FRMD4B: variants seen among roughly 807,000 people sequenced by gnomAD.
FRMD4B encodes FERM domain containing 4B.
In FRMD4B, 74 loss-of-function variants were observed where a neutral mutation model predicts 141.5. That is an observed-to-expected ratio of 0.52 (90% CI 0.43 to 0.63). The LOEUF is 0.63. Ranked by LOEUF, FRMD4B falls within the 30% of genes least tolerant of loss-of-function variation. The probability of loss-of-function intolerance (pLI) is 0.00; values close to 1 mark genes in which losing one functional copy is unlikely to be tolerated. For synonymous variants in FRMD4B, 506 were observed against 467.9 expected, an observed-to-expected ratio of 1.08 and a Z score of -1.05; for missense variants, 1,366 against 1,253.4, an observed-to-expected ratio of 1.09 and a Z score of -1.36.
intron 5 of FRMD4B, among the ~76,000 whole-genome samples, chr3:69,258,927 C>G (rs1337158719): frequency 1.3e-5 from 2 of 152,160 alleles, no homozygotes; most frequent in East Asian, 3.8e-4. Flanking sequence ...CAGTCCTCAG[C>G]CTTTTTGGCA....
chr3:69,205,164 C>T (rs2093012381), intron 11 of FRMD4B, among the ~76,000 whole-genome samples: 1 of 150,838 alleles, frequency 6.6e-6, no homozygotes, highest in Non-Finnish European at 1.5e-5. Flanking sequence ...GGACTGAGTC[C>T]CCCCCCTTTT....
intron 21 of FRMD4B, among the ~76,000 whole-genome samples, chr3:69,180,246 C>CAAAAAAAAAAAAAAAAAAAAAAAAA (rs71115658): frequency 9.9e-6 from 1 of 101,052 alleles, no homozygotes; most frequent in African/African-American, 3.8e-5. Flanking sequence ...CTTGTTTCTA[C>CAAAAAAAAAAAAAAAAAAAAAAAAA]AAAAAAAAAA....
chr3:69,253,181 C>CTTTTTTTTTTTTTTTTTTTTTTTTTTT lies in FRMD4B; in HGVS notation c.502-3083_502-3082insAAAAAAAAAAAAAAAAAAAAAAAAAAA, dbSNP rs781662739. Among the ~76,000 whole-genome samples, 4 of 121,952 alleles carry CTTTTTTTTTTTTTTTTTTTTTTTTTTT rather than the reference C, an allele frequency of 3.3e-5. 2 individuals carry two copies. The highest frequency in any genetic ancestry group is 3.4e-5 in the Non-Finnish European group (2 of 58,818). 80.0% of individuals were successfully genotyped at this position (121,952 alleles called of 152,430 possible). The stretch of plus-strand genomic sequence containing the variant: ...AGGGAAATTAGTGAAAATATGATTC[C>CTTTTTTTTTTTTTTTTTTTTTTTTTTT]TATTTTTTTTTTTTTTTTTTTTTGC... On this transcript the variant is annotated intron_variant, in intron 5 of 22. Transcript: ENST00000398540.
intron 1 of FRMD4B, among the ~76,000 whole-genome samples, chr3:69,355,880 C>T (rs1311427480): frequency 6.6e-6 from 1 of 152,080 alleles, no homozygotes; most frequent in African/African-American, 2.4e-5. Context: ...CAAAAATTAG[C>T]CAGGTGTGGT....
intron 1 of FRMD4B, among the ~76,000 whole-genome samples, chr3:69,487,430 T>G (rs1706233312): frequency 6.6e-6 from 1 of 152,158 alleles, no homozygotes; most frequent in Non-Finnish European, 1.5e-5. Flanking sequence ...TTTGGGGGTC[T>G]AGAGATTGGG....
At chr3:69,245,347 G>GTTTTTTT (rs1488467550) in intron 7 of FRMD4B, among the ~76,000 whole-genome samples, 5 of 150,786 alleles carry the variant, frequency 3.3e-5, no homozygotes, top group African/African-American at 1.2e-4. Context: ...GTGTGTGTGT[G>GTTTTTTT]TGTGTGTTTT....
At chr3:69,518,003 G>C (rs1368162477) in intron 1 of FRMD4B, among the ~76,000 whole-genome samples, 2 of 152,202 alleles carry the variant, frequency 1.3e-5, no homozygotes, top group East Asian at 1.9e-4. Context: ...AAGAGATGCT[G>C]CTGCTGCTGC....
intron 5 of FRMD4B, among the ~76,000 whole-genome samples, chr3:69,265,270 ATATATATATATATATATAT>A (rs1285771073): frequency 0.074 from 1,489 of 20,230 alleles, 346 homozygotes; most frequent in East Asian, 0.13. Flanking sequence ...AAAAAAAAAA[ATATATATATATATATATAT>A]ATATATATAT....
chr3:69,465,971 T>A (rs1477773925), intron 1 of FRMD4B, among the ~76,000 whole-genome samples: 3 of 152,126 alleles, frequency 2.0e-5, no homozygotes, highest in African/African-American at 7.2e-5. Flanking sequence ...TGCCACACTG[T>A]CTTCCACAAA....
chr3:69,198,547 T>C (rs2092931772), intron 12 of FRMD4B, 151 bp downstream of exon 12: 1 of 613,634 alleles, frequency 1.6e-6, no homozygotes, highest in Non-Finnish European at 2.9e-6. Flanking sequence ...GGGTTAAAGA[T>C]AGTTACCATT....
intron 1 of FRMD4B, among the ~76,000 whole-genome samples, chr3:69,437,175 C>T (rs2106850529): frequency 6.6e-6 from 1 of 152,136 alleles, no homozygotes; most frequent in South Asian, 2.1e-4. Flanking sequence ...CAGGCTCAAG[C>T]GACCCACCCA....
At chr3:69,457,747 A>C (rs1349231280) in intron 1 of FRMD4B, among the ~76,000 whole-genome samples, 1 of 152,216 alleles carries the variant, frequency 6.6e-6, no homozygotes, top group East Asian at 1.9e-4. Flanking sequence ...TTAGAAAAGA[A>C]GTTTTCTGGC....
At chr3:69,288,412 C>T (rs541494393) in intron 4 of FRMD4B, among the ~76,000 whole-genome samples, 1 of 152,388 alleles carries the variant, frequency 6.6e-6, no homozygotes, top group East Asian at 1.9e-4. Context: ...AAGCCAGGCT[C>T]TCAGCAGCCA....
At chr3:69,382,367 G>C (rs894830803) in intron 1 of FRMD4B, among the ~76,000 whole-genome samples, 2 of 152,158 alleles carry the variant, frequency 1.3e-5, no homozygotes, top group African/African-American at 4.8e-5. Flanking sequence ...TAGAGACGGG[G>C]TCTTGCCATG....
chr3:69,235,964 G>A (rs2093343238), intron 7 of FRMD4B, among the ~76,000 whole-genome samples: 1 of 152,140 alleles, frequency 6.6e-6, no homozygotes, highest in Non-Finnish European at 1.5e-5. Context: ...TAACTTTGAG[G>A]CTTCAGCATT....
intron 1 of FRMD4B, 65 bp downstream of exon 1, chr3:69,385,763 A>C: frequency 7.4e-7 from 1 of 1,355,198 alleles, no homozygotes; most frequent in Admixed American, 2.5e-5. Context: ...ATACAGGTGG[A>C]GCCTGCTTCC....
intron 1 of FRMD4B, among the ~76,000 whole-genome samples, chr3:69,354,871 G>A (rs531872724): frequency 6.6e-6 from 1 of 152,298 alleles, no homozygotes; most frequent in Non-Finnish European, 1.5e-5. Flanking sequence ...GAAGTCACTT[G>A]ATGATATCAG....
At chr3:69,312,742 T>C (rs945077640) in intron 2 of FRMD4B, among the ~76,000 whole-genome samples, 3 of 152,040 alleles carry the variant, frequency 2.0e-5, no homozygotes, top group African/African-American at 7.2e-5. Flanking sequence ...CTACTAAAAA[T>C]ACAAAAATTA....
intron 1 of FRMD4B, among the ~76,000 whole-genome samples, chr3:69,455,841 G>A (rs1407881872): frequency 6.6e-6 from 1 of 152,136 alleles, no homozygotes; most frequent in African/African-American, 2.4e-5. Flanking sequence ...GTGAGTCAAA[G>A]AAAACAGACC....
Sources: gnomAD v4.1 joint callset for allele counts (sites outside exome capture counted in the v4.1 genomes callset) on GRCh38, gnomAD v4.1.1 for gene constraint, MANE v1.5 for transcripts, NCBI Gene and HGNC (gene_info 2026-07-23, HGNC 2026-07-21) for gene names.